SLF2: variants seen among roughly 807,000 people sequenced by gnomAD.
SLF2 encodes SMC5/6 complex localization factor 2, also known as SMC5-SMC6 complex localization factor protein 2.
In SLF2, 68 loss-of-function variants were observed where a neutral mutation model predicts 124.3. The ratio of observed to expected loss-of-function variants is 0.55; its 90% CI spans 0.45 to 0.67. SLF2 has a LOEUF of 0.67. SLF2 is among the 30% of genes least tolerant of loss of function. The pLI is 0.00. For missense variants in SLF2, 1,246 were observed against 1,373.7 expected (o/e 0.91, Z 1.47); for synonymous variants, 480 against 478.8 (o/e 1.00, Z -0.03).
Position 100,931,023 on chromosome 10 carries a change from C to A in SLF2, c.2381C>A (p.Thr794Lys), listed in dbSNP as rs139164915. ...QIFLTTQGFL[T>K]SAYHYVQCPV... ...TTTTTGACAACACAAGGTTTCCTTA[C>A]GTCTGCTTATCACTATGTCCAGTGT... is the stretch of plus-strand genomic sequence containing the variant. The change falls in exon 9 of 20, where the codon ACG becomes AAG. Residue 794 changes from threonine to lysine, a missense_variant. Thr to Lys is a moderately conservative substitution (Grantham distance 78, BLOSUM62 -1). This residue lies in a region of SLF2 where 535 missense variants were observed against 632.8 expected (regional missense o/e 0.85). Transcript: ENST00000238961. The A allele has an allele frequency of 1.2e-6, 2 of 1,614,022 alleles. No individual in the cohort carries two copies. Among genetic ancestry groups the A allele is most frequent in the Admixed American group, 1.7e-5 (1 of 59,984 alleles).
intron 17 of SLF2, among the ~76,000 whole-genome samples, chr10:100,954,813 G>A (rs958347860): frequency 2.6e-5 from 4 of 152,082 alleles, no homozygotes; most frequent in Admixed American, 1.3e-4. Flanking sequence ...GTGGTGGCAC[G>A]TACCTGTAGT....
chr10:100,920,979 C>T (rs1344689237), intron 4 of SLF2, among the ~76,000 whole-genome samples: 1 of 151,976 alleles, frequency 6.6e-6, no homozygotes, highest in Non-Finnish European at 1.5e-5. Flanking sequence ...AATAAAAATC[C>T]AAATGATATG....
chr10:100,912,972 G>A lies in SLF2; in HGVS notation c.-139G>A, dbSNP rs565658488. On this transcript the variant is annotated 5_prime_UTR_variant, in exon 1 of 20. Transcript: ENST00000238961. ...CGCTCACGCCGGAGTCACTTCCGAA[G>A]AGAGAACCGCCATGAAGAGAGAAGG... 123 of 892,278 alleles carry A rather than the reference G, an allele frequency of 1.4e-4. No individual in the cohort carries two copies. The South Asian group carries it at 2.0e-3, about 15-fold the overall frequency. The allele number at this position is 892,278 out of a possible 1,614,324, so 55.3% of individuals were successfully genotyped here.
At chr10:100,954,938 TCTC>T (rs965873686) in intron 17 of SLF2, among the ~76,000 whole-genome samples, 15 of 134,532 alleles carry the variant, frequency 1.1e-4, no homozygotes, top group African/African-American at 4.3e-4. Context: ...AAGGCAAGAC[TCTC>T]TTTTTTTTTT....
intron 8 of SLF2, 151 bp from the exon 9 acceptor site, chr10:100,930,825 A>T: frequency 6.7e-6 from 4 of 594,398 alleles, no homozygotes; most frequent in African/African-American, 5.7e-5. Context: ...TTTTATGAGT[A>T]ACTCATCCAT....
At chr10:100,930,070 T>C (rs528271108) in intron 8 of SLF2, 73 bp downstream of exon 8, 1 of 974,396 alleles carries the variant, frequency 1.0e-6, no homozygotes, top group African/African-American at 1.7e-5. Context: ...ACTCACGTAA[T>C]CTTCTAAAAG....
rs1427017118 is a variant in SLF2, at chr10:100,964,678, A to G, written c.*2766A>G. The G allele has an allele frequency of 6.6e-6, 1 of 152,620 alleles. No homozygotes were observed. Among genetic ancestry groups the G allele is most frequent in the African/African-American group, 2.4e-5 (1 of 41,458 alleles). The allele number at this position is 152,620 out of a possible 1,614,324, so 9.5% of individuals were successfully genotyped here. On this transcript the variant is annotated 3_prime_UTR_variant, in exon 20 of 20. Coordinates refer to ENST00000238961, the MANE Select transcript of SLF2 (RefSeq NM_018121.4). ...GTTATCATCCAGGCTTAGTTGGAGT[A>G]TTTGCATTTTTATTTTTATCAAAAC...
At chr10:100,913,597 C>T in intron 1 of SLF2, 9 of 1,158,040 alleles carry the variant, frequency 7.8e-6, no homozygotes, top group Non-Finnish European at 9.6e-6. Flanking sequence ...GTTGTCAGTT[C>T]TACTGATCCT....
chr10:100,920,554 C>T lies in SLF2; in HGVS notation c.973+2113C>T, dbSNP rs114085660. On this transcript the variant is annotated intron_variant, in intron 4 of 19. Coordinates refer to ENST00000238961, the MANE Select transcript of SLF2 (RefSeq NM_018121.4). The stretch of plus-strand genomic sequence containing the variant: ...TACTCTTAATAAATATACATTTATA[C>T]TTCAATTGACTAACATCAACAGAAT... Among the ~76,000 whole-genome samples, 451 of 152,282 alleles carry T rather than the reference C, an allele frequency of 3.0e-3. 2 individuals are homozygous for T. The highest frequency in any genetic ancestry group is 9.9e-3 in the African/African-American group (413 of 41,536).
In SLF2 at chr10:100,913,218, A is replaced by G. The variant is rs143027465; in HGVS notation, c.108A>G (p.Ala36=). The change falls in exon 1 of 20, where the codon GCA becomes GCG. Residue 36 remains alanine, a synonymous_variant. Coordinates refer to ENST00000238961, the MANE Select transcript of SLF2 (RefSeq NM_018121.4). The part of the protein sequence containing the change: ...HLRPGSTAHA[A]AGKRTESPGD... The stretch of plus-strand genomic sequence containing the variant: ...GACCCGGTAGTACCGCCCATGCTGC[A>G]GCGGGAAAGAGAACAGAGAGTCCTG... The G allele has an allele frequency of 1.2e-6, 2 of 1,611,068 alleles. No individual in the cohort carries two copies. The highest frequency in any genetic ancestry group is 2.7e-5 in the African/African-American group (2 of 74,834).
chr10:100,960,651 TTTA>T (rs1286724876), intron 19 of SLF2, among the ~76,000 whole-genome samples: 4 of 152,224 alleles, frequency 2.6e-5, no homozygotes, highest in African/African-American at 9.6e-5. Flanking sequence ...TATTTGTCTT[TTTA>T]TTATTGAGTT....
chr10:100,947,272 A>AAGGCATTG, intron 14 of SLF2, 136 bp downstream of exon 14: 1 of 513,008 alleles, frequency 1.9e-6, no homozygotes, highest in South Asian at 4.2e-5. Flanking sequence ...GTTGCGAGAA[A>AAGGCATTG]AGGCATTGAT....
At position 100,961,869 on chromosome 10, in the gene SLF2, T is replaced by C; in HGVS notation, c.3487-8T>C. 6.2e-7 allele frequency: 1 copy of C among 1,604,276 alleles called. No homozygotes were observed. The highest frequency in any genetic ancestry group is 8.5e-7 in the Non-Finnish European group (1 of 1,173,442). ...CTTTACCCTCTTTTTTCTCCTTCCC[T>C]TTTTTAGGGGCAGCTTCATGACTTC... On this transcript the variant is annotated splice_polypyrimidine_tract_variant and splice_region_variant and intron_variant, in intron 19 of 19. Transcript: ENST00000238961.
chr10:100,919,398 T>TA (rs748904514), intron 4 of SLF2, among the ~76,000 whole-genome samples: 2 of 152,180 alleles, frequency 1.3e-5, no homozygotes, highest in African/African-American at 2.4e-5. Flanking sequence ...TTGAGACTGT[T>TA]ACCATGATAA....
chr10:100,937,527 T>A, intron 10 of SLF2, 50 bp downstream of exon 10: 1 of 1,044,620 alleles, frequency 9.6e-7, no homozygotes, highest in Non-Finnish European at 1.5e-6. Context: ...TTGGTTGCTA[T>A]TTACATGGTA....
chr10:100,945,404 A>G lies in SLF2; in HGVS notation c.2832A>G (p.Leu944=), dbSNP rs765349073. Residue 944 remains leucine, a synonymous_variant, in exon 13 of 20, where the codon TTA becomes TTG. Transcript: ENST00000238961. ...AAATAATGTTGCTGATTTTAATGTT[A>G]TTTAAAATGAGTTTGGAAAAACAGC... is the stretch of plus-strand genomic sequence containing the variant. The part of the protein sequence containing the change: ...DREIMLLILM[L]FKMSLEKQLK... 11 of 1,603,492 alleles carry G rather than the reference A, an allele frequency of 6.9e-6. No homozygotes were observed. Among genetic ancestry groups the G allele is most frequent in the Non-Finnish European group, 7.6e-6 (9 of 1,177,438 alleles).
chr10:100,944,331 T>TA (rs1291277620), intron 12 of SLF2, among the ~76,000 whole-genome samples: 1 of 151,740 alleles, frequency 6.6e-6, no homozygotes, highest in East Asian at 1.9e-4. Flanking sequence ...CCGTCTCTAC[T>TA]AAAAATACAA....
In SLF2 at chr10:100,924,610, T is replaced by G; in HGVS notation, c.1609T>G (p.Ser537Ala). ...TAATAAGGCCGATTCTAATGTATCT[T>G]CAGGGAAAATTTCTGGGGGACCTTT... Reference protein sequence around the residue: ...KTNKADSNVSSGKISGGPLRS... With the variant: ...KTNKADSNVSAGKISGGPLRS... The change falls in exon 5 of 20, where the codon TCA becomes GCA. Residue 537 changes from serine (S) to alanine (A), a missense_variant. Ser to Ala is a moderately conservative substitution (Grantham distance 99). This residue lies in a region of SLF2 where 698 missense variants were observed against 708.9 expected (regional missense o/e 0.98). Coordinates refer to ENST00000238961, the MANE Select transcript of SLF2 (RefSeq NM_018121.4). The G allele has an allele frequency of 6.2e-7, 1 of 1,614,064 alleles. No homozygotes were observed. Among genetic ancestry groups the G allele is most frequent in the Non-Finnish European group, 8.5e-7 (1 of 1,180,020 alleles).
intron 1 of SLF2, chr10:100,913,489 G>A (rs1158590122): frequency 3.1e-6 from 4 of 1,269,952 alleles, no homozygotes; most frequent in Non-Finnish European, 4.0e-6. Flanking sequence ...CAGCTACGGA[G>A]AACCCGCCTT....
Sources: gnomAD v4.1 joint callset for allele counts (sites outside exome capture counted in the v4.1 genomes callset) on GRCh38, gnomAD v4.1.1 for gene constraint, gnomAD v4.1.1 regional missense constraint, MANE v1.5 for transcripts, NCBI Gene and HGNC (gene_info 2026-07-23, HGNC 2026-07-21) for gene names.